The following C7 variants were observed in gnomAD, a reference collection of about 807,000 sequenced individuals.
C7 encodes complement component C7.
In C7, 83 loss-of-function variants were observed where a neutral mutation model predicts 104.8. That is an observed-to-expected ratio of 0.79 (90% CI 0.66 to 0.95). The LOEUF is 0.95. Among genes scored for constraint, C7 ranks in the 40% least tolerant of loss-of-function variants. The pLI, the probability that C7 is intolerant of heterozygous loss-of-function variation, is 0.00. For missense variants in C7, 1,070 were observed against 1,011.2 expected (o/e 1.06, Z -0.79); for synonymous variants, 415 against 360.6 (o/e 1.15, Z -1.71).
rs774123922 is a variant in C7 at position 40,949,976 on chromosome 5, G to A, written c.1055G>A (p.Gly352Glu). The change falls in exon 9 of 18, where the codon GGA (glycine) becomes GAA (glutamate). Residue 352 changes from glycine (G) to glutamate (E), a missense_variant. Physicochemically the swap from Gly to Glu is moderately conservative, Grantham distance 98. Transcript: ENST00000313164. ...TTTGTCGTTAAATTTTCAAGTCATGGATGCAAGGAACTGGAAAACGCTTTA... is the reference window on the plus strand; with the variant it reads ...TTTGTCGTTAAATTTTCAAGTCATGAATGCAAGGAACTGGAAAACGCTTTA... ...WHFVVKFSSH[G>E]CKELENALKA... The A allele has an allele frequency of 1.9e-6, 3 of 1,600,612 alleles. No individual in the cohort carries two copies. The highest frequency in any genetic ancestry group is 8.5e-7 in the Non-Finnish European group (1 of 1,172,980).
At chr5:40,968,122 A>ATTTTCT (rs1447528278) in intron 14 of C7, among the ~76,000 whole-genome samples, 13 of 150,612 alleles carry the variant, frequency 8.6e-5, no homozygotes, top group African/African-American at 4.9e-5. Flanking sequence ...CATTCTAAAT[A>ATTTTCT]TTTTCTTTTT....
chr5:40,914,549 C>T (rs182504927), intron 1 of C7, among the ~76,000 whole-genome samples: 3 of 152,234 alleles, frequency 2.0e-5, no homozygotes, highest in African/African-American at 4.8e-5. Flanking sequence ...AGACCAATGT[C>T]CAGAAGAGTT....
rs747361977 is a variant in C7, at chr5:40,958,208, C to A, written c.1436C>A (p.Pro479Gln). ...ACCCATTGTCTGTGCCATTGCAAAC[C>A]GTACACATTTGGTGCGGCGTGTGAG... Reference protein sequence around the residue: ...EGTHCLCHCKPYTFGAACEQG... With the variant: ...EGTHCLCHCKQYTFGAACEQG... The change falls in exon 11 of 18, where the codon CCG becomes CAG. Residue 479 changes from proline to glutamine, a missense_variant. Pro to Gln is a moderately conservative substitution (Grantham distance 76, BLOSUM62 -1). Transcript: ENST00000313164. 8 of 1,613,250 alleles carry A rather than the reference C, an allele frequency of 5.0e-6. No individual in the cohort carries two copies. Among genetic ancestry groups the A allele is most frequent in the Non-Finnish European group, 6.8e-6 (8 of 1,179,510 alleles).
chr5:40,939,702 T>G (rs1417257086), intron 6 of C7, among the ~76,000 whole-genome samples: 1 of 152,238 alleles, frequency 6.6e-6, no homozygotes, highest in Non-Finnish European at 1.5e-5. Context: ...TGTGGAGACT[T>G]GCATGTATAT....
chr5:40,977,861 C>T (rs374892152), intron 16 of C7, among the ~76,000 whole-genome samples: 17 of 152,216 alleles, frequency 1.1e-4, no homozygotes, highest in African/African-American at 2.2e-4. Flanking sequence ...TGACCTGGTG[C>T]GGTGGCTCAC....
At chr5:40,943,054 G>A (rs1020607421) in intron 6 of C7, among the ~76,000 whole-genome samples, 6 of 152,200 alleles carry the variant, frequency 3.9e-5, no homozygotes, top group Non-Finnish European at 5.9e-5. Context: ...AAGCCGCCAC[G>A]CCCATGCCTG....
intron 14 of C7, among the ~76,000 whole-genome samples, chr5:40,971,363 T>C (rs148962126): frequency 0.021 from 3,206 of 152,330 alleles, 111 homozygotes; most frequent in African/African-American, 0.073. Context: ...TTCATATGTT[T>C]GTTGGCTGCA....
intron 4 of C7, among the ~76,000 whole-genome samples, chr5:40,935,644 G>T (rs966112634): frequency 1.3e-5 from 2 of 152,176 alleles, no homozygotes; most frequent in Non-Finnish European, 2.9e-5. Flanking sequence ...TTTTATTCAT[G>T]CAGGTAGTCT....
chr5:40,934,611 G>A (rs920830955), intron 4 of C7, 145 bp downstream of exon 4: 9 of 810,954 alleles, frequency 1.1e-5, no homozygotes, highest in African/African-American at 3.5e-5. Context: ...ATTTTTGTTG[G>A]TATGTTAATC....
At chr5:40,971,214 C>T (rs1279597246) in intron 14 of C7, among the ~76,000 whole-genome samples, 8 of 152,142 alleles carry the variant, frequency 5.3e-5, no homozygotes, top group Non-Finnish European at 1.0e-4. Flanking sequence ...AGTGTAAAAG[C>T]GTTCCTATTT....
chr5:40,950,691 T>TATA (rs1208250909), intron 9 of C7, among the ~76,000 whole-genome samples: 1 of 152,288 alleles, frequency 6.6e-6, no homozygotes, highest in Admixed American at 6.5e-5. Context: ...TCCTCTGTAT[T>TATA]ATAAATATGT....
intron 2 of C7, among the ~76,000 whole-genome samples, chr5:40,930,458 G>A (rs943987267): frequency 2.7e-5 from 4 of 150,638 alleles, no homozygotes; most frequent in Non-Finnish European, 4.4e-5. Flanking sequence ...TGCACTCCTC[G>A]GACTCCCAAA....
chr5:40,977,774 A>G (rs1482167966), intron 16 of C7, among the ~76,000 whole-genome samples: 1 of 152,164 alleles, frequency 6.6e-6, no homozygotes, highest in African/African-American at 2.4e-5. Flanking sequence ...GAAGAGTGGA[A>G]AGTGGATCTG....
chr5:40,922,996 G>A (rs1214047497), intron 1 of C7, among the ~76,000 whole-genome samples: 1 of 152,066 alleles, frequency 6.6e-6, no homozygotes, highest in African/African-American at 2.4e-5. Flanking sequence ...AAGCTAAAAA[G>A]CTTCTACAAA....
At chr5:40,938,595 T>A (rs1339690919) in intron 6 of C7, among the ~76,000 whole-genome samples, 1 of 152,192 alleles carries the variant, frequency 6.6e-6, no homozygotes, top group Non-Finnish European at 1.5e-5. Flanking sequence ...AGGTAAAGTA[T>A]CCAAAATGGC....
In C7 at chr5:40,913,851, T is replaced by C. The variant is rs576768842; in HGVS notation, c.6+4235T>C. Among the ~76,000 whole-genome samples the C allele has an allele frequency of 3.6e-4, 55 of 152,190 alleles. No individual in the cohort carries two copies. The South Asian group carries it at 6.0e-3, about 17-fold the overall frequency. On this transcript the variant is annotated intron_variant, in intron 1 of 17. Coordinates refer to ENST00000313164, the MANE Select transcript of C7 (RefSeq NM_000587.4). ...CGTGCCAACATGCCTGGTTAATTTT[T>C]TGTATTTTTAGTAGAGATGGGGTTT...
intron 1 of C7, among the ~76,000 whole-genome samples, chr5:40,917,642 C>A (rs1739345285): frequency 6.6e-6 from 1 of 152,072 alleles, no homozygotes; most frequent in Non-Finnish European, 1.5e-5. Context: ...GCTATATACC[C>A]TGTAGGGGAT....
rs372551834 is a variant in C7 at position 40,978,873 on chromosome 5, A to ATTTTTTTTTTT, written c.2166-838_2166-828dup. ...GAGGAAGGTAACACATTTTATGGAA[A>ATTTTTTTTTTT]TTTTTTTTTTTTTTTTTTTTTTTTG... is the stretch of plus-strand genomic sequence containing the variant. On this transcript the variant is annotated intron_variant, in intron 16 of 17. Coordinates refer to ENST00000313164, the MANE Select transcript of C7 (RefSeq NM_000587.4). Among the ~76,000 whole-genome samples the ATTTTTTTTTTT allele has an allele frequency of 4.0e-3, 317 of 80,050 alleles. 14 individuals carry two copies. Among genetic ancestry groups the ATTTTTTTTTTT allele is most frequent in the African/African-American group, 8.5e-3 (199 of 23,438 alleles). 52.5% of individuals were successfully genotyped at this position (80,050 alleles called of 152,430 possible). A position where few individuals can be genotyped will look rare whatever the true frequency, so the allele number is the denominator to read the frequency against.
intron 1 of C7, among the ~76,000 whole-genome samples, chr5:40,923,919 C>A (rs1343359295): frequency 2.1e-5 from 3 of 141,934 alleles, no homozygotes; most frequent in Non-Finnish European, 4.6e-5. Flanking sequence ...TACATTTCAA[C>A]ATGAGATTTG....
Sources: gnomAD v4.1 joint callset for allele counts (sites outside exome capture counted in the v4.1 genomes callset) on GRCh38, gnomAD v4.1.1 for gene constraint, MANE v1.5 for transcripts, NCBI Gene and HGNC (gene_info 2026-07-23, HGNC 2026-07-21) for gene names.